ERO1A: variants seen among roughly 807,000 people sequenced by gnomAD.
ERO1A encodes endoplasmic reticulum oxidoreductase 1 alpha, also known as ERO1-like protein alpha.
Under a neutral mutation model 76.9 loss-of-function variants are expected in ERO1A, and 49 were observed. The ratio of observed to expected loss-of-function variants is 0.64; its 90% CI spans 0.51 to 0.81. The LOEUF is 0.81. ERO1A is among the 30% of genes least tolerant of loss of function. The pLI, the probability that ERO1A is intolerant of heterozygous loss-of-function variation, is 0.00. For missense variants in ERO1A, 448 were observed against 542.1 expected (o/e 0.83, Z 1.72); for synonymous variants, 174 against 181.2 (o/e 0.96, Z 0.32).
rs1218198295 is a variant in ERO1A at position 52,640,518 on chromosome 14, T to G, written c.*3052A>C. 1 of 152,246 alleles carries G rather than the reference T, an allele frequency of 6.6e-6. No homozygotes were observed. Among genetic ancestry groups the G allele is most frequent in the East Asian group, 1.9e-4 (1 of 5,194 alleles). The allele number at this position is 152,246 out of a possible 1,614,324, so 9.4% of individuals were successfully genotyped here. ...CAAACAGAGGAGTTTGGCTTTCTCC[T>G]GAAAGTTCCTGAAGTCACTGAAGGA... On this transcript the variant is annotated 3_prime_UTR_variant, in exon 16 of 16. Coordinates refer to ENST00000395686, the MANE Select transcript of ERO1A (RefSeq NM_014584.3).
At chr14:52,683,726 C>T in intron 2 of ERO1A, 62 bp downstream of exon 2, 2 of 760,302 alleles carry the variant, frequency 2.6e-6, no homozygotes, top group South Asian at 3.2e-5. Context: ...CTCAGTAATT[C>T]TTAAGAAAAT....
At chr14:52,694,840 C>A (rs2041493087) in intron 1 of ERO1A, among the ~76,000 whole-genome samples, 1 of 152,182 alleles carries the variant, frequency 6.6e-6, no homozygotes, top group South Asian at 2.1e-4. Context: ...AGGGCAACTG[C>A]AGTCCCAAAG....
At chr14:52,663,246 T>A (rs1305207705) in intron 8 of ERO1A, among the ~76,000 whole-genome samples, 3 of 152,124 alleles carry the variant, frequency 2.0e-5, no homozygotes, top group Non-Finnish European at 4.4e-5. Context: ...ATATATAGAA[T>A]AAATATATAT....
chr14:52,666,436 C>A lies in ERO1A; in HGVS notation c.568G>T (p.Gly190Cys), dbSNP rs1347971328. Residue 190 changes from glycine to cysteine, a missense_variant, in exon 7 of 16, where the codon GGT becomes TGT. Physicochemically the swap from Gly to Cys is radical, Grantham distance 159 (BLOSUM62 -3). Coordinates refer to ENST00000395686, the MANE Select transcript of ERO1A (RefSeq NM_014584.3). ...DLLLNPERYT[G>C]YKGPDAWKIW... ...TTCCAAGCATCTGGTCCCTTGTAAC[C>A]AGTGTAGCGCTCAGGATTAAGAAGC... The A allele has an allele frequency of 5.6e-6, 9 of 1,611,238 alleles. No homozygotes were observed. Among genetic ancestry groups the A allele is most frequent in the Non-Finnish European group, 7.6e-6 (9 of 1,178,622 alleles).
chr14:52,672,779 AAAAAAAAAAAAAAAC>A (rs1475541072), intron 4 of ERO1A, among the ~76,000 whole-genome samples: 2 of 149,662 alleles, frequency 1.3e-5, no homozygotes, highest in African/African-American at 4.9e-5. Context: ...CTCTGACCAA[AAAAAAAAAAAAAAAC>A]AAAAAACAAA....
intron 1 of ERO1A, among the ~76,000 whole-genome samples, chr14:52,692,160 G>A (rs2041374125): frequency 6.6e-6 from 1 of 152,124 alleles, no homozygotes; most frequent in Non-Finnish European, 1.5e-5. Context: ...ATTTCCCTAG[G>A]ACTTGTTGAG....
intron 13 of ERO1A, among the ~76,000 whole-genome samples, chr14:52,650,950 A>G (rs1239806838): frequency 6.6e-6 from 1 of 152,182 alleles, no homozygotes; most frequent in East Asian, 1.9e-4. Flanking sequence ...GCTGGTATTC[A>G]TAACTGTCTT....
intron 4 of ERO1A, among the ~76,000 whole-genome samples, chr14:52,677,732 A>G (rs2040841298): frequency 6.6e-6 from 1 of 151,850 alleles, no homozygotes; most frequent in African/African-American, 2.4e-5. Context: ...GCATGGAGGC[A>G]TTTGCCTACA....
Position 52,643,452 on chromosome 14 carries a change from A to G in ERO1A, c.*118T>C. ...TTAAAACAATATAATTCTCCTTTAC[A>G]AAAGCAACTTTATATAAAATGTTTG... On this transcript the variant is annotated 3_prime_UTR_variant, in exon 16 of 16. Transcript: ENST00000395686. 1.6e-6 allele frequency: 1 copy of G among 643,756 alleles called. No homozygotes were observed. Among genetic ancestry groups the G allele is most frequent in the Non-Finnish European group, 2.5e-6 (1 of 400,130 alleles). 39.9% of individuals were successfully genotyped at this position (643,756 alleles called of 1,614,324 possible).
At chr14:52,687,136 C>A (rs181046169) in intron 1 of ERO1A, among the ~76,000 whole-genome samples, 1 of 152,078 alleles carries the variant, frequency 6.6e-6, no homozygotes, top group Non-Finnish European at 1.5e-5. Flanking sequence ...GAGAACAAAG[C>A]ATGTTACTAG....
At chr14:52,654,989 G>T (rs1251696356) in intron 11 of ERO1A, among the ~76,000 whole-genome samples, 2 of 152,182 alleles carry the variant, frequency 1.3e-5, no homozygotes, top group African/African-American at 2.4e-5. Flanking sequence ...AATCAGTTAA[G>T]ATAAAAGGCA....
rs1432782174 is a variant in ERO1A, at chr14:52,641,746, A to G, written c.*1824T>C. The G allele has an allele frequency of 6.6e-6, 1 of 152,246 alleles. No individual in the cohort carries two copies. The highest frequency in any genetic ancestry group is 1.5e-5 in the Non-Finnish European group (1 of 68,050). 9.4% of individuals were successfully genotyped at this position (152,246 alleles called of 1,614,324 possible). On this transcript the variant is annotated 3_prime_UTR_variant, in exon 16 of 16. Coordinates refer to ENST00000395686, the MANE Select transcript of ERO1A (RefSeq NM_014584.3). Reference sequence around the variant, plus strand: ...CACTTCATAGTCTTTTGAGTCTCCAAGAGGATTGACTTAATTAATGGTTTA... The same window carrying G: ...CACTTCATAGTCTTTTGAGTCTCCAGGAGGATTGACTTAATTAATGGTTTA...
At chr14:52,672,839 T>C (rs1566642888) in intron 4 of ERO1A, among the ~76,000 whole-genome samples, 2 of 150,498 alleles carry the variant, frequency 1.3e-5, no homozygotes, top group Non-Finnish European at 3.0e-5. Context: ...TTAGATACTA[T>C]GAAATTGTAA....
At position 52,643,639 on chromosome 14, in the gene ERO1A, A is replaced by G; in HGVS notation, c.1347-9T>C. 7.1e-7 allele frequency: 1 copy of G among 1,414,598 alleles called. No homozygotes were observed. The highest frequency in any genetic ancestry group is 1.5e-5 in the South Asian group (1 of 68,798). 87.6% of individuals were successfully genotyped at this position (1,414,598 alleles called of 1,614,324 possible). A position where few individuals can be genotyped will look rare whatever the true frequency, so the allele number is the denominator to read the frequency against. On this transcript the variant is annotated splice_polypyrimidine_tract_variant and intron_variant, in intron 15 of 15. Transcript: ENST00000395686. ...TCACACTTGTAGAAATTCTGTAACC[A>G]AAAAATATTTCACTCAGAAACCATC...
In ERO1A at chr14:52,666,230, G is replaced by A. The variant is rs2040405200; in HGVS notation, c.629+145C>T. 14 of 654,774 alleles carry A rather than the reference G, an allele frequency of 2.1e-5. No individual in the cohort carries two copies. The South Asian group carries it at 2.8e-4, about 13-fold the overall frequency. 40.6% of individuals were successfully genotyped at this position (654,774 alleles called of 1,614,324 possible). A position where few individuals can be genotyped will look rare whatever the true frequency, so the allele number is the denominator to read the frequency against. On this transcript the variant is annotated intron_variant, in intron 7 of 15. Transcript: ENST00000395686. ...TATATATTTCCCCAGAAGGAAACTGGATTAATGAATAGTCATGTTTCCTTG... is the reference window on the plus strand; with the variant it reads ...TATATATTTCCCCAGAAGGAAACTGAATTAATGAATAGTCATGTTTCCTTG...
chr14:52,668,786 A>C (rs2040501255), intron 6 of ERO1A, among the ~76,000 whole-genome samples: 1 of 148,406 alleles, frequency 6.7e-6, no homozygotes, highest in African/African-American at 2.4e-5. Context: ...CTATAATTAT[A>C]ATTATAATTA....
chr14:52,683,622 A>G (rs1051210758), intron 2 of ERO1A, among the ~76,000 whole-genome samples, 166 bp downstream of exon 2: 2 of 152,190 alleles, frequency 1.3e-5, no homozygotes, highest in East Asian at 1.9e-4. Flanking sequence ...AAATTATCCA[A>G]TGGATGGTTT....
At chr14:52,682,272 T>C in intron 3 of ERO1A, 53 bp downstream of exon 3, 6 of 1,356,624 alleles carry the variant, frequency 4.4e-6, no homozygotes, top group Non-Finnish European at 6.2e-6. Flanking sequence ...AACAAAAAGT[T>C]ATAATGAATG....
rs1313224177 is a variant in ERO1A, at chr14:52,642,455, A to AGAT, written c.*1112_*1114dup. ...GGCAACAAAACTCAAAAAGAACTTT[A>AGAT]GATTGGAACTTGAAAGTATTATTTA... On this transcript the variant is annotated 3_prime_UTR_variant, in exon 16 of 16. Coordinates refer to ENST00000395686, the MANE Select transcript of ERO1A (RefSeq NM_014584.3). 3 of 152,200 alleles carry AGAT rather than the reference A, an allele frequency of 2.0e-5. No individual in the cohort carries two copies. The highest frequency in any genetic ancestry group is 4.4e-5 in the Non-Finnish European group (3 of 68,034). The allele number at this position is 152,200 out of a possible 1,614,324, so 9.4% of individuals were successfully genotyped here. A position where few individuals can be genotyped will look rare whatever the true frequency, so the allele number is the denominator to read the frequency against.
Sources: allele counts gnomAD v4.1 joint callset (sites outside exome capture counted in the v4.1 genomes callset), GRCh38; gene constraint gnomAD v4.1.1; transcripts MANE v1.5; gene names NCBI Gene and HGNC (gene_info 2026-07-23, HGNC 2026-07-21).